CELF2: variants seen among roughly 807,000 people sequenced by gnomAD.
The protein encoded by CELF2 is CUG triplet repeat RNA-binding protein 2.
In CELF2, 8 loss-of-function variants were observed where a neutral mutation model predicts 62.6. That is an observed-to-expected ratio of 0.13 (90% CI 0.07 to 0.23). The LOEUF is 0.23. CELF2 is among the 10% of genes least tolerant of loss of function. The pLI is 1.00. For missense variants in CELF2, 333 were observed against 671.0 expected (o/e 0.50, Z 5.56); for synonymous variants, 258 against 250.0 (o/e 1.03, Z -0.30).
At chr10:10,806,054 C>G (rs1394114723) in intron 1 of CELF2, among the ~76,000 whole-genome samples, 2 of 152,144 alleles carry the variant, frequency 1.3e-5, no homozygotes, top group African/African-American at 4.8e-5. Context: ...CTCTAAGCAT[C>G]TTTAGATGGT....
chr10:10,501,340 C>T, the CELF2 span, among the ~76,000 whole-genome samples: 1 of 152,136 alleles, frequency 6.6e-6, no homozygotes, highest in Non-Finnish European at 1.5e-5. Flanking sequence ...TTTTAATTTG[C>T]ACTTTGCTAC....
chr10:11,079,478 T>C (rs2073256745), intron 1 of CELF2, among the ~76,000 whole-genome samples: 1 of 152,120 alleles, frequency 6.6e-6, no homozygotes, highest in Non-Finnish European at 1.5e-5. Context: ...TGAAGACGAT[T>C]GAATTATGGG....
At chr10:10,915,759 T>C (rs1469116152) in intron 1 of CELF2, among the ~76,000 whole-genome samples, 1 of 152,188 alleles carries the variant, frequency 6.6e-6, no homozygotes, top group Non-Finnish European at 1.5e-5. Context: ...CAGTAGTAGA[T>C]AAATGAAGAG....
At chr10:10,736,396 C>CTTTCCTTCTTTCT in the CELF2 span, among the ~76,000 whole-genome samples, 1 of 76,016 alleles carries the variant, frequency 1.3e-5, no homozygotes, top group South Asian at 4.5e-4. Context: ...TTCTTTCTTT[C>CTTTCCTTCTTTCT]TTTTTTTTTT....
the CELF2 span, among the ~76,000 whole-genome samples, chr10:10,597,487 T>C: frequency 6.6e-6 from 1 of 152,224 alleles, no homozygotes; most frequent in African/African-American, 2.4e-5. Flanking sequence ...CAAGCCACAC[T>C]TCCAAGTCAT....
intron 4 of CELF2, among the ~76,000 whole-genome samples, chr10:11,252,949 A>G (rs975802226): frequency 6.6e-6 from 1 of 152,160 alleles, no homozygotes; most frequent in Non-Finnish European, 1.5e-5. Context: ...CCTCCATCAT[A>G]AACGAGCAGA....
intron 1 of CELF2, among the ~76,000 whole-genome samples, chr10:10,866,056 A>C (rs1166053546): frequency 6.6e-6 from 1 of 152,106 alleles, no homozygotes; most frequent in East Asian, 1.9e-4. Flanking sequence ...ATTGGTAGGC[A>C]TGTTCACACT....
intron 1 of CELF2, among the ~76,000 whole-genome samples, chr10:10,895,081 G>A (rs778493114): frequency 3.9e-5 from 6 of 152,108 alleles, no homozygotes; most frequent in Non-Finnish European, 5.9e-5. Context: ...TTTCACAGAC[G>A]AGATACTGAG....
intron 1 of CELF2, among the ~76,000 whole-genome samples, chr10:10,877,631 G>T (rs568053383): frequency 6.6e-6 from 1 of 152,320 alleles, no homozygotes; most frequent in Non-Finnish European, 1.5e-5. Flanking sequence ...GGGGCCCTGA[G>T]ATTTATTTTC....
intron 1 of CELF2, among the ~76,000 whole-genome samples, chr10:11,105,858 A>G (rs2053289785): frequency 6.6e-6 from 1 of 152,160 alleles, no homozygotes; most frequent in African/African-American, 2.4e-5. Context: ...CTGGAATACG[A>G]TACCCCAGTC....
the CELF2 span, among the ~76,000 whole-genome samples, chr10:10,763,417 G>A: frequency 1.3e-5 from 2 of 152,142 alleles, no homozygotes; most frequent in African/African-American, 4.8e-5. Flanking sequence ...TTATGAGATG[G>A]AGGCCCTCCA....
In CELF2 at chr10:11,018,256, G is replaced by T. The variant is rs1168961588; in HGVS notation, c.74+93G>T. The T allele has an allele frequency of 8.4e-6, 9 of 1,074,394 alleles. No individual in the cohort carries two copies. The South Asian group carries it at 1.5e-4, about 18-fold the overall frequency. The allele number at this position is 1,074,394 out of a possible 1,614,324, so 66.6% of individuals were successfully genotyped here. Reference sequence around the variant, plus strand: ...GGACGGGCGTCGCCCGCAGCTCCCGGGCGCGACTCGGCCGCTTCGGATCCG... The same window carrying T: ...GGACGGGCGTCGCCCGCAGCTCCCGTGCGCGACTCGGCCGCTTCGGATCCG... On this transcript the variant is annotated intron_variant, in intron 1 of 12. Transcript: ENST00000633077.
the CELF2 span, among the ~76,000 whole-genome samples, chr10:10,709,270 A>T: frequency 6.6e-6 from 1 of 152,228 alleles, no homozygotes; most frequent in Non-Finnish European, 1.5e-5. Context: ...TAAAGACTGT[A>T]ATTAACATTC....
At chr10:10,608,277 G>T in the CELF2 span, among the ~76,000 whole-genome samples, 1 of 152,182 alleles carries the variant, frequency 6.6e-6, no homozygotes, top group Admixed American at 6.5e-5. Context: ...GCTTCAAGGA[G>T]CTGCTTGAAT....
chr10:11,268,161 A>C lies in CELF2; in HGVS notation c.618+1484A>C, dbSNP rs1394996360. 6.6e-6 allele frequency among the ~76,000 whole-genome samples: 1 copy of C among 152,138 alleles called. No homozygotes were observed. Among genetic ancestry groups the C allele is most frequent in the Non-Finnish European group, 1.5e-5 (1 of 68,014 alleles). On this transcript the variant is annotated intron_variant, in intron 6 of 12. Coordinates refer to ENST00000633077, the MANE Select transcript of CELF2 (RefSeq NM_001326342.2). This position sits in a 1 kb window ranked among gnomAD's most constrained non-coding sequence, Gnocchi z 4.7. Reference sequence around the variant, plus strand: ...CGCTCCATTCCTGTGGATTAGCCTGATTTCCAGCCACATTTTAATCTTCAA... The same window carrying C: ...CGCTCCATTCCTGTGGATTAGCCTGCTTTCCAGCCACATTTTAATCTTCAA...
chr10:10,703,825 G>A, the CELF2 span, among the ~76,000 whole-genome samples: 59 of 152,346 alleles, frequency 3.9e-4, no homozygotes, highest in South Asian at 0.011. Flanking sequence ...AGAATTGCAT[G>A]TAACTAAGTT....
At chr10:10,578,120 G>A in the CELF2 span, among the ~76,000 whole-genome samples, 2 of 152,152 alleles carry the variant, frequency 1.3e-5, no homozygotes, top group South Asian at 2.1e-4. Flanking sequence ...GTGATGATGA[G>A]CATTTTTTTC....
In CELF2 at chr10:11,010,709, T is replaced by G. The variant is rs1564366146; in HGVS notation, c.53+5269T>G. 1.3e-5 allele frequency among the ~76,000 whole-genome samples: 2 copies of G among 152,226 alleles called. No individual in the cohort carries two copies. The highest frequency in any genetic ancestry group is 4.8e-5 in the African/African-American group (2 of 41,452). ...CTTGACAGTATAACTATTTAATAGT[T>G]GACATTTTAAAGACATTTCTTTCTC... On this transcript the variant is annotated intron_variant, in intron 1 of 12. Transcript: ENST00000416382. This position sits in a 1 kb window ranked among gnomAD's most constrained non-coding sequence, Gnocchi z 4.1.
chr10:10,638,956 C>A, the CELF2 span, among the ~76,000 whole-genome samples: 1 of 152,138 alleles, frequency 6.6e-6, no homozygotes, highest in Non-Finnish European at 1.5e-5. Context: ...ATCAGAGGAG[C>A]CCTGTACAGA....
Sources: allele counts gnomAD v4.1 joint callset (sites outside exome capture counted in the v4.1 genomes callset), GRCh38; gene constraint gnomAD v4.1.1; non-coding constraint Gnocchi (gnomAD v3.1); transcripts MANE v1.5; gene names NCBI Gene and HGNC (gene_info 2026-07-23, HGNC 2026-07-21).